The following B4GALT1 variants were observed in gnomAD, a reference collection of about 807,000 sequenced individuals.
B4GALT1 encodes the protein beta-1,4-galactosyltransferase 1, also known as N-acetyllactosamine synthase.
A neutral mutation model predicts 34.9 loss-of-function variants in B4GALT1; 16 were observed. That is an observed-to-expected ratio of 0.46 (90% CI 0.31 to 0.70). The LOEUF is 0.70. Ranked by LOEUF, B4GALT1 falls within the 30% of genes least tolerant of loss-of-function variation. The pLI, the probability that B4GALT1 is intolerant of heterozygous loss-of-function variation, is 0.05. For synonymous variants in B4GALT1, 221 were observed against 218.1 expected, an observed-to-expected ratio of 1.01 and a Z score of -0.12; for missense variants, 445 against 530.5, an observed-to-expected ratio of 0.84 and a Z score of 1.58.
the B4GALT1 span, chr9:33,179,725 T>C: frequency 4.6e-5 from 7 of 152,264 alleles, no homozygotes; most frequent in Non-Finnish European, 8.8e-5. Flanking sequence ...TTGTGTTAGA[T>C]GCTTTTGCCC....
chr9:33,173,629 T>TGTGC, the B4GALT1 span, among the ~76,000 whole-genome samples: 2 of 151,154 alleles, frequency 1.3e-5, no homozygotes, highest in East Asian at 3.9e-4. Context: ...TGTGTGTGTG[T>TGTGC]GTATTGTCTG....
intron 1 of B4GALT1, among the ~76,000 whole-genome samples, chr9:33,138,415 CAGG>C (rs1267773312): frequency 2.0e-5 from 3 of 152,138 alleles, no homozygotes; most frequent in Non-Finnish European, 4.4e-5. Context: ...CTTGGTAAAC[CAGG>C]AGGAGTGCAG....
At chr9:33,136,740 A>C (rs572077087) in intron 1 of B4GALT1, among the ~76,000 whole-genome samples, 10 of 152,312 alleles carry the variant, frequency 6.6e-5, no homozygotes, top group Admixed American at 3.9e-4. Flanking sequence ...GAAGCAAATG[A>C]GCCACAAGAA....
At chr9:33,178,417 T>C in the B4GALT1 span, among the ~76,000 whole-genome samples, 1 of 152,202 alleles carries the variant, frequency 6.6e-6, no homozygotes, top group African/African-American at 2.4e-5. Context: ...CACAAATTGA[T>C]AAGAGATGTA....
chr9:33,104,886 G>A, intron 2 of B4GALT1: 1 of 385,806 alleles, frequency 2.6e-6, no homozygotes, highest in Non-Finnish European at 5.1e-6. Flanking sequence ...GACGTGCTAA[G>A]TAAATGAACT....
chr9:33,142,246 G>T (rs1426828049), intron 1 of B4GALT1, among the ~76,000 whole-genome samples: 1 of 152,162 alleles, frequency 6.6e-6, no homozygotes, highest in African/African-American at 2.4e-5. Context: ...CTCCCACAGT[G>T]CTGGGATTAC....
At chr9:33,123,132 G>T (rs562493495) in intron 2 of B4GALT1, among the ~76,000 whole-genome samples, 44 of 152,214 alleles carry the variant, frequency 2.9e-4, no homozygotes, top group African/African-American at 1.0e-3. Context: ...ACAAAAATTA[G>T]CTGGGTGTGG....
downstream of B4GALT1, among the ~76,000 whole-genome samples, chr9:33,108,502 A>C (rs959480689): frequency 6.6e-6 from 1 of 151,898 alleles, no homozygotes; most frequent in African/African-American, 2.4e-5. Context: ...AGGCACAGAG[A>C]GGCCAAGTCA....
At chr9:33,177,902 C>T in the B4GALT1 span, among the ~76,000 whole-genome samples, 1 of 152,030 alleles carries the variant, frequency 6.6e-6, no homozygotes, top group Non-Finnish European at 1.5e-5. Flanking sequence ...AGGTGGGCCC[C>T]CACAGAGTTG....
chr9:33,163,154 TGTGTC>T (rs1259004423), intron 1 of B4GALT1, among the ~76,000 whole-genome samples: 13 of 152,100 alleles, frequency 8.5e-5, no homozygotes, highest in Non-Finnish European at 1.8e-4. Flanking sequence ...GCAGCCTGCT[TGTGTC>T]CACATGTGTG....
intron 2 of B4GALT1, among the ~76,000 whole-genome samples, chr9:33,127,195 C>T (rs556953568): frequency 8.5e-5 from 13 of 152,128 alleles, no homozygotes; most frequent in Non-Finnish European, 1.8e-4. Flanking sequence ...GATCTCCTGA[C>T]CTAGTGATCC....
chr9:33,167,720 G>A (rs1297620592), upstream of B4GALT1, among the ~76,000 whole-genome samples: 1 of 152,266 alleles, frequency 6.6e-6, no homozygotes, highest in Admixed American at 6.5e-5. Flanking sequence ...AGAGAACGGA[G>A]AGGACAGCTG....
At chr9:33,163,412 T>C (rs1245792129) in intron 1 of B4GALT1, among the ~76,000 whole-genome samples, 4 of 152,140 alleles carry the variant, frequency 2.6e-5, no homozygotes, top group African/African-American at 9.7e-5. Context: ...GAAGAGGATC[T>C]CCTCAAAGCA....
At chr9:33,144,919 C>T (rs868091089) in intron 1 of B4GALT1, among the ~76,000 whole-genome samples, 94 of 152,218 alleles carry the variant, frequency 6.2e-4, no homozygotes, top group African/African-American at 2.2e-3. Flanking sequence ...AGGTGAGAAG[C>T]TGAGCTCACA....
At chr9:33,104,714 G>C (rs1001233628) in exon 3 of B4GALT1, 1 of 454,286 alleles carries the variant, frequency 2.2e-6, no homozygotes, top group Non-Finnish European at 4.4e-6. Flanking sequence ...ACCACCATGC[G>C]CTGCCACCTC....
the B4GALT1 span, chr9:33,179,516 C>T: frequency 3.3e-5 from 5 of 152,248 alleles, no homozygotes; most frequent in Admixed American, 3.3e-4. Flanking sequence ...AGCCTGCTCC[C>T]TTGTGGCTAT....
At chr9:33,150,589 G>T (rs889295378) in intron 1 of B4GALT1, among the ~76,000 whole-genome samples, 2 of 152,170 alleles carry the variant, frequency 1.3e-5, no homozygotes, top group African/African-American at 4.8e-5. Flanking sequence ...TTAAGGGTGG[G>T]AGGAGAATGT....
chr9:33,184,489 A>G, the B4GALT1 span, among the ~76,000 whole-genome samples: 1 of 152,222 alleles, frequency 6.6e-6, no homozygotes, highest in Admixed American at 6.5e-5. Flanking sequence ...TACTTTACAC[A>G]TAGGAAGTGG....
chr9:33,175,860 C>A, the B4GALT1 span, among the ~76,000 whole-genome samples: 1 of 152,138 alleles, frequency 6.6e-6, no homozygotes, highest in Non-Finnish European at 1.5e-5. Flanking sequence ...CAGAAAGAAT[C>A]CCCATGATTA....
Sources: gnomAD v4.1 joint callset for allele counts (sites outside exome capture counted in the v4.1 genomes callset) on GRCh38, gnomAD v4.1.1 for gene constraint, MANE v1.5 for transcripts, NCBI Gene and HGNC (gene_info 2026-07-23, HGNC 2026-07-21) for gene names.